Variants in DSCAML1 observed in about 807,000 individuals in gnomAD.
DSCAML1 encodes the protein cell adhesion molecule DSCAML1.
A neutral mutation model predicts 200.5 loss-of-function variants in DSCAML1; 38 were observed. The observed-to-expected ratio is 0.19, with a 90% CI of 0.15 to 0.25. The LOEUF is 0.25. Ranked by LOEUF, DSCAML1 falls within the 10% of genes least tolerant of loss-of-function variation. DSCAML1 has a pLI of 1.00. For missense variants in DSCAML1, 2,223 were observed against 2,858.8 expected, an observed-to-expected ratio of 0.78 and a Z score of 5.07; for synonymous variants, 1,215 against 1,165.0, an observed-to-expected ratio of 1.04 and a Z score of -0.87.
intron 3 of DSCAML1, among the ~76,000 whole-genome samples, chr11:117,707,341 G>A (rs1223841042): frequency 6.6e-6 from 1 of 152,020 alleles, no homozygotes; most frequent in Non-Finnish European, 1.5e-5. Context: ...CCAAAGATAA[G>A]GAAAAAAGGA....
At chr11:117,710,389 T>A (rs1341655363) in intron 3 of DSCAML1, among the ~76,000 whole-genome samples, 1 of 152,222 alleles carries the variant, frequency 6.6e-6, no homozygotes, top group Admixed American at 6.5e-5. Flanking sequence ...CCGGCAGCCT[T>A]CCTTGGGCTG....
intron 3 of DSCAML1, among the ~76,000 whole-genome samples, chr11:117,578,236 G>GAAAAAAAA (rs59533726): frequency 3.5e-4 from 35 of 101,394 alleles, no homozygotes; most frequent in East Asian, 6.3e-4. Context: ...ACTCTGTCTC[G>GAAAAAAAA]AAAAAAAAAA....
At position 117,692,523 on chromosome 11, in the gene DSCAML1, A is replaced by G. The variant is rs537907592; in HGVS notation, c.511+84268T>C. Among the ~76,000 whole-genome samples the G allele has an allele frequency of 2.6e-5, 4 of 152,280 alleles. No homozygotes were observed. In the East Asian group the frequency reaches 7.7e-4, roughly 29 times the overall value. Reference sequence around the variant, plus strand: ...GGATTTTAAACTACAACTATCACTTAGCTTGAATCATGGGCTGAGAAAGGG... The same window carrying G: ...GGATTTTAAACTACAACTATCACTTGGCTTGAATCATGGGCTGAGAAAGGG... On this transcript the variant is annotated intron_variant, in intron 3 of 32. Coordinates refer to ENST00000651296, the MANE Select transcript of DSCAML1 (RefSeq NM_020693.4).
At chr11:117,444,104 C>T (rs1453987092) in intron 20 of DSCAML1, 65 bp from the exon 21 acceptor site, 1 of 1,538,756 alleles carries the variant, frequency 6.5e-7, no homozygotes, top group Non-Finnish European at 8.8e-7. Flanking sequence ...CCAAATCTTC[C>T]TCAGTGCCCG....
chr11:117,537,903 C>T (rs1184027980), intron 3 of DSCAML1, among the ~76,000 whole-genome samples: 1 of 152,170 alleles, frequency 6.6e-6, no homozygotes, highest in Non-Finnish European at 1.5e-5. Flanking sequence ...TTCCAGTCTC[C>T]AGAACTCTGT....
At position 117,439,373 on chromosome 11, in the gene DSCAML1, C is replaced by T. The variant is rs755092987; in HGVS notation, c.4037G>A (p.Gly1346Asp). 1.2e-6 allele frequency: 2 copies of T among 1,613,778 alleles called. No homozygotes were observed. Among genetic ancestry groups the T allele is most frequent in the Non-Finnish European group, 8.5e-7 (1 of 1,180,002 alleles). Reference protein sequence around the residue: ...MDGHRLIHTNGTLLLRAVKAE... With the variant: ...MDGHRLIHTNDTLLLRAVKAE... ...CTTCACTGCACGCAGCAGCAGTGTGCCATTGGTGTGGATGAGCCGGTGCCC... is the reference window on the plus strand; with the variant it reads ...CTTCACTGCACGCAGCAGCAGTGTGTCATTGGTGTGGATGAGCCGGTGCCC... The change falls in exon 23 of 33, where the codon GGC becomes GAC. Residue 1346 changes from glycine (G) to aspartate (D), a missense_variant. By Grantham distance (94) the Gly-to-Asp change is moderately conservative. Transcript: ENST00000651296.
upstream of DSCAML1, chr11:117,801,091 T>C (rs372364312): frequency 3.9e-5 from 6 of 152,336 alleles, no homozygotes; most frequent in African/African-American, 1.2e-4. Context: ...TACTTACTTA[T>C]CAGTTGGGGG....
At position 117,656,995 on chromosome 11, in the gene DSCAML1, A is replaced by T. The variant is rs2052748352; in HGVS notation, c.511+119796T>A. ...ATAAAAATAAGGAGCTTACATGTTG[A>T]GTTATATAAGGGGTCTTCACACTGG... On this transcript the variant is annotated intron_variant, in intron 3 of 32. Coordinates refer to ENST00000651296, the MANE Select transcript of DSCAML1 (RefSeq NM_020693.4). Among the ~76,000 whole-genome samples the T allele has an allele frequency of 2.0e-5, 3 of 152,312 alleles. No individual in the cohort carries two copies. The South Asian group carries it at 6.2e-4, about 32-fold the overall frequency.
intron 3 of DSCAML1, among the ~76,000 whole-genome samples, chr11:117,604,977 G>A (rs2051536325): frequency 6.6e-6 from 1 of 152,086 alleles, no homozygotes; most frequent in Non-Finnish European, 1.5e-5. Context: ...CTGACCAGAG[G>A]GGCTTTTCTT....
intron 30 of DSCAML1, among the ~76,000 whole-genome samples, chr11:117,432,067 G>A (rs139670136): frequency 2.6e-3 from 397 of 152,208 alleles, no homozygotes; most frequent in African/African-American, 7.7e-3. Context: ...CCAGATACAC[G>A]GTGCTAGAGA....
At chr11:117,722,306 TAA>T (rs34365570) in intron 3 of DSCAML1, among the ~76,000 whole-genome samples, 498 of 114,120 alleles carry the variant, frequency 4.4e-3, no homozygotes, top group African/African-American at 0.012. Context: ...ATGGGGGAGC[TAA>T]AAAAAAAAAA....
chr11:117,652,242 C>T (rs578082918), intron 3 of DSCAML1, among the ~76,000 whole-genome samples: 3 of 152,220 alleles, frequency 2.0e-5, no homozygotes, highest in Non-Finnish European at 4.4e-5. Context: ...AATTAGTCTC[C>T]AGCGTGTTGC....
intron 3 of DSCAML1, among the ~76,000 whole-genome samples, chr11:117,575,269 G>C (rs987425600): frequency 6.6e-6 from 1 of 152,210 alleles, no homozygotes; most frequent in African/African-American, 2.4e-5. Context: ...ACTGGGCTCT[G>C]TTGGTAGAAA....
chr11:117,782,158 T>C (rs779324803), intron 1 of DSCAML1, among the ~76,000 whole-genome samples: 18 of 152,124 alleles, frequency 1.2e-4, no homozygotes, highest in African/African-American at 2.4e-4. Flanking sequence ...CACAACTTTA[T>C]AGGATGGGGG....
intron 1 of DSCAML1, among the ~76,000 whole-genome samples, chr11:117,792,319 G>C (rs1174822496): frequency 6.6e-6 from 1 of 152,152 alleles, no homozygotes; most frequent in African/African-American, 2.4e-5. Context: ...TCAGGGCCCT[G>C]GAAATGCAGA....
At chr11:117,797,848 C>T (rs534713947), upstream of DSCAML1, among the ~76,000 whole-genome samples, 3 of 104,248 alleles carry the variant, frequency 2.9e-5, no homozygotes, top group East Asian at 6.8e-4. Context: ...TCTACGCTAC[C>T]TGTGTTATCT....
rs968603416 is a variant in DSCAML1 at position 117,603,248 on chromosome 11, C to T, written c.512-70726G>A. Among the ~76,000 whole-genome samples, 10 of 152,242 alleles carry T rather than the reference C, an allele frequency of 6.6e-5. No individual in the cohort carries two copies. In the East Asian group the frequency reaches 1.9e-3, roughly 29 times the overall value. The stretch of plus-strand genomic sequence containing the variant: ...TGGCCTCGAAATTCTCAGTGTGCTG[C>T]AATCCTCATCCTAAAACTGGTAGTG... On this transcript the variant is annotated intron_variant, in intron 3 of 32. Transcript: ENST00000651296.
chr11:117,675,845 C>T (rs1303151311), intron 3 of DSCAML1, among the ~76,000 whole-genome samples: 1 of 152,172 alleles, frequency 6.6e-6, no homozygotes, highest in Admixed American at 6.5e-5. Context: ...ACTTCAGCCT[C>T]GGTCTTATCA....
rs557815233 is a variant in DSCAML1, at chr11:117,559,802, G to A, written c.512-27280C>T. 2.0e-5 allele frequency among the ~76,000 whole-genome samples: 3 copies of A among 152,168 alleles called. No individual in the cohort carries two copies. In the South Asian group the frequency reaches 6.2e-4, roughly 32 times the overall value. ...GGAGAATGTCTACAGAGAGACCCTC[G>A]CCCAGGGCACGGAAGCCACAGCAGG... On this transcript the variant is annotated intron_variant, in intron 3 of 32. Transcript: ENST00000651296.
Sources: gnomAD v4.1 joint callset for allele counts (sites outside exome capture counted in the v4.1 genomes callset) on GRCh38, gnomAD v4.1.1 for gene constraint, MANE v1.5 for transcripts, NCBI Gene and HGNC (gene_info 2026-07-23, HGNC 2026-07-21) for gene names.